The following ANKRD26 variants were observed in gnomAD, a reference collection of about 807,000 sequenced individuals.
The protein encoded by ANKRD26 is ankyrin repeat domain 26.
A neutral mutation model predicts 208.7 loss-of-function variants in ANKRD26; 141 were observed. That is an observed-to-expected ratio of 0.68 (90% confidence interval 0.59 to 0.78). The LOEUF is 0.78. ANKRD26 is among the 30% of genes least tolerant of loss of function. ANKRD26 has a pLI of 0.00. For synonymous variants in ANKRD26, 636 were observed against 660.4 expected (o/e 0.96, Z 0.57); for missense variants, 1,889 against 1,938.7 (o/e 0.97, Z 0.48).
intron 27 of ANKRD26, among the ~76,000 whole-genome samples, chr10:27,026,823 G>C (rs772848591): frequency 8.6e-4 from 130 of 151,628 alleles, no homozygotes; most frequent in Non-Finnish European, 1.5e-3. Flanking sequence ...TTTTGAGATG[G>C]AGTCTCACTC....
the ANKRD26 span, among the ~76,000 whole-genome samples, chr10:26,963,170 C>T: frequency 6.6e-6 from 1 of 152,208 alleles, no homozygotes; most frequent in African/African-American, 2.4e-5. Context: ...CTCTCCTCCC[C>T]ACTTTGCCTC....
At chr10:27,083,364 G>GA (rs34320055) in intron 5 of ANKRD26, among the ~76,000 whole-genome samples, 6 of 149,418 alleles carry the variant, frequency 4.0e-5, no homozygotes, top group Admixed American at 6.7e-5. Flanking sequence ...TTTCTTAAAT[G>GA]AAAAAAAAAA....
At chr10:27,001,618 C>T (rs1388375742), downstream of ANKRD26, among the ~76,000 whole-genome samples, 2 of 152,170 alleles carry the variant, frequency 1.3e-5, no homozygotes, top group Non-Finnish European at 2.9e-5. Context: ...CTGGCCGCCC[C>T]CACCCTAATC....
At chr10:26,964,725 TA>T in the ANKRD26 span, among the ~76,000 whole-genome samples, 182 of 152,298 alleles carry the variant, frequency 1.2e-3, no homozygotes, top group African/African-American at 4.0e-3. Context: ...ACTGAGAATT[TA>T]GAGATTTGGA....
chr10:27,088,887 G>A (rs988600897), intron 4 of ANKRD26, among the ~76,000 whole-genome samples: 3 of 152,194 alleles, frequency 2.0e-5, no homozygotes, highest in African/African-American at 7.2e-5. Flanking sequence ...CTAAGTCAAG[G>A]CTAAGATATG....
At chr10:26,997,105 C>T (rs1423284557) in intron 4 of ANKRD26, among the ~76,000 whole-genome samples, 1 of 151,600 alleles carries the variant, frequency 6.6e-6, no homozygotes. Flanking sequence ...GAGATTGTGG[C>T]CCAAAAGATT....
At position 27,037,195 on chromosome 10, in the gene ANKRD26, C is replaced by T. The variant is rs754071596; in HGVS notation, c.2688G>A (p.Met896Ile). 4 of 1,613,148 alleles carry T rather than the reference C, an allele frequency of 2.5e-6. No individual in the cohort carries two copies. Among genetic ancestry groups the T allele is most frequent in the Non-Finnish European group, 3.4e-6 (4 of 1,179,300 alleles). Residue 896 changes from methionine to isoleucine, a missense_variant, in exon 23 of 34, where the codon ATG becomes ATA. Transcript: ENST00000376087. ...AAGGAAATAGAAATACCTCAGAATTCATTTTCTTTTGAGCCATTTCAATCT... is the reference window on the plus strand; with the variant it reads ...AAGGAAATAGAAATACCTCAGAATTTATTTTCTTTTGAGCCATTTCAATCT... ...QKEIEMAQKK[M>I]NSENSHSHEE...
intron 20 of ANKRD26, among the ~76,000 whole-genome samples, chr10:27,042,952 CAAAA>C (rs376971749): frequency 1.2e-5 from 1 of 82,406 alleles, no homozygotes; most frequent in South Asian, 4.7e-4. Flanking sequence ...AATTTTGTCT[CAAAA>C]AAAAAAAAAA....
At chr10:26,968,954 G>T (rs576366649), downstream of ANKRD26, among the ~76,000 whole-genome samples, 4 of 152,146 alleles carry the variant, frequency 2.6e-5, no homozygotes, top group Non-Finnish European at 5.9e-5. Context: ...ACCTGCCCTG[G>T]ATCCGAAGTT....
chr10:26,976,608 T>C (rs1411919312), intron 5 of ANKRD26, among the ~76,000 whole-genome samples: 1 of 152,250 alleles, frequency 6.6e-6, no homozygotes, highest in African/African-American at 2.4e-5. Flanking sequence ...TGTACAATGA[T>C]AATGACTTTC....
At chr10:26,985,566 T>A (rs1032067741) in intron 3 of ANKRD26, among the ~76,000 whole-genome samples, 9 of 152,188 alleles carry the variant, frequency 5.9e-5, no homozygotes, top group African/African-American at 2.2e-4. Flanking sequence ...TGGCTTAAAT[T>A]CTGCTCTTTT....
At chr10:27,043,384 T>TG in intron 20 of ANKRD26, 42 bp downstream of exon 20, 1 of 1,596,276 alleles carries the variant, frequency 6.3e-7, no homozygotes, top group South Asian at 1.1e-5. Flanking sequence ...TACATTACAA[T>TG]GGGATACATA....
At chr10:27,070,336 G>T (rs901008027) in intron 9 of ANKRD26, among the ~76,000 whole-genome samples, 1 of 152,060 alleles carries the variant, frequency 6.6e-6, no homozygotes, top group African/African-American at 2.4e-5. Flanking sequence ...GGAAGCAGAG[G>T]TTGCAACAAG....
Position 27,100,409 on chromosome 10 carries a change from C to G in ANKRD26, c.-83G>C, listed in dbSNP as rs754032631. ...CCGGAGCCCAACATAACAAGTCAGC[C>G]CCGGCTGGCCGCAGCCTCCCAAAGG... On this transcript the variant is annotated 5_prime_UTR_variant, in exon 1 of 34. Coordinates refer to ENST00000376087, the MANE Select transcript of ANKRD26 (RefSeq NM_014915.3). 1 of 1,568,996 alleles carries G rather than the reference C, an allele frequency of 6.4e-7. No homozygotes were observed. Among genetic ancestry groups the G allele is most frequent in the Non-Finnish European group, 8.6e-7 (1 of 1,167,140 alleles).
At chr10:27,013,843 C>T (rs1411283) in intron 31 of ANKRD26, among the ~76,000 whole-genome samples, 74,665 of 152,018 alleles carry the variant, frequency 0.49, 20,390 homozygotes, top group Non-Finnish European at 0.62. Flanking sequence ...AACATTGTCC[C>T]CAAGGCATCA....
intron 23 of ANKRD26, among the ~76,000 whole-genome samples, chr10:27,036,087 G>A (rs559374848): frequency 1.2e-4 from 19 of 152,028 alleles, no homozygotes; most frequent in African/African-American, 4.3e-4. Flanking sequence ...AAAAAATTGG[G>A]TTTATACTCT....
chr10:27,066,339 C>T (rs2055245396), intron 11 of ANKRD26, 148 bp downstream of exon 11: 2 of 504,152 alleles, frequency 4.0e-6, no homozygotes, highest in South Asian at 2.9e-5. Flanking sequence ...TTAGCACATA[C>T]TTTATTAATT....
intron 4 of ANKRD26, among the ~76,000 whole-genome samples, chr10:27,088,936 A>G (rs1171902603): frequency 6.6e-6 from 1 of 152,172 alleles, no homozygotes; most frequent in African/African-American, 2.4e-5. Flanking sequence ...GGAAGGGTCA[A>G]TTTGCTCACT....
intron 33 of ANKRD26, 106 bp from the exon 34 acceptor site, chr10:27,005,829 G>C (rs2052855662): frequency 1.4e-6 from 2 of 1,380,570 alleles, no homozygotes; most frequent in East Asian, 4.8e-5. Context: ...TAATAAGAAA[G>C]AAAAATATGT....
Sources: gnomAD v4.1 joint callset for allele counts (sites outside exome capture counted in the v4.1 genomes callset) on GRCh38, gnomAD v4.1.1 for gene constraint, MANE v1.5 for transcripts, NCBI Gene and HGNC (gene_info 2026-07-23, HGNC 2026-07-21) for gene names.